PYM1: variants seen among roughly 807,000 people sequenced by gnomAD.
The protein encoded by PYM1 is PYM1 exon junction complex associated factor, also known as partner of Y14 and mago.
PYM1 carries 7 observed loss-of-function variants against 20.7 expected under a neutral mutation model. That is an observed-to-expected ratio of 0.34 (90% CI 0.19 to 0.64). The LOEUF (loss-of-function observed/expected upper bound fraction) is 0.64. PYM1 is among the 30% of genes least tolerant of loss of function. The probability of loss-of-function intolerance (pLI) is 0.74; values close to 1 mark genes in which losing one functional copy is unlikely to be tolerated. For synonymous variants in PYM1, 100 were observed against 99.2 expected (o/e 1.01, Z -0.05); for missense variants, 194 against 250.0 (o/e 0.78, Z 1.51).
chr12:55,925,084 A>G (rs1883166479), intron 1 of PYM1, among the ~76,000 whole-genome samples: 1 of 152,254 alleles, frequency 6.6e-6, no homozygotes, highest in Non-Finnish European at 1.5e-5. Flanking sequence ...CTCTAGCAAC[A>G]TGCTGTGGCC....
At chr12:55,925,333 G>C (rs1205242327) in intron 1 of PYM1, among the ~76,000 whole-genome samples, 2 of 152,210 alleles carry the variant, frequency 1.3e-5, no homozygotes, top group Non-Finnish European at 2.9e-5. Context: ...GTGGGTTTAA[G>C]ATAGTGAAAT....
chr12:55,901,705 G>GAAGAAAAGAA lies in PYM1; in HGVS notation c.*166_*167insTTCTTTTCTT, dbSNP rs1346838856. 1.0e-6 allele frequency: 1 copy of GAAGAAAAGAA among 976,506 alleles called. No homozygotes were observed. The allele number at this position is 976,506 out of a possible 1,614,324, so 60.5% of individuals were successfully genotyped here. A position where few individuals can be genotyped will look rare whatever the true frequency, so the allele number is the denominator to read the frequency against. The stretch of plus-strand genomic sequence containing the variant: ...AAAAGTAGAAGTTGGGAAGAAAAGG[G>GAAGAAAAGAA]AAGGATTGAGGGAGACGCTAGGCTC... On this transcript the variant is annotated 3_prime_UTR_variant, in exon 3 of 3. Coordinates refer to ENST00000408946, the MANE Select transcript of PYM1 (RefSeq NM_032345.3).
chr12:55,924,119 T>C (rs1883149073), intron 1 of PYM1, among the ~76,000 whole-genome samples: 1 of 150,804 alleles, frequency 6.6e-6, no homozygotes, highest in Non-Finnish European at 1.5e-5. Context: ...TTACCTTGGG[T>C]TGGCTAGAAT....
intron 1 of PYM1, chr12:55,914,161 G>A (rs1592638966): frequency 6.6e-6 from 4 of 606,664 alleles, no homozygotes; most frequent in Non-Finnish European, 1.2e-5. Flanking sequence ...TATAGCTGAA[G>A]GTTTAGGAGG....
intron 1 of PYM1, among the ~76,000 whole-genome samples, chr12:55,911,089 T>C (rs916067188): frequency 6.6e-5 from 10 of 152,138 alleles, no homozygotes; most frequent in Admixed American, 2.6e-4. Flanking sequence ...GATCTAGCTA[T>C]GTTAATACAG....
intron 1 of PYM1, among the ~76,000 whole-genome samples, chr12:55,906,183 A>T (rs1318898497): frequency 6.7e-6 from 1 of 150,266 alleles, no homozygotes; most frequent in Non-Finnish European, 1.5e-5. Flanking sequence ...ATACTGCTCC[A>T]TGAGAAGAAA....
intron 1 of PYM1, among the ~76,000 whole-genome samples, chr12:55,918,608 A>C (rs1226239857): frequency 6.6e-6 from 1 of 152,040 alleles, no homozygotes; most frequent in Admixed American, 6.6e-5. Context: ...GGTGGCTTAC[A>C]CCTGTAATCC....
At chr12:55,917,770 T>C (rs1883032611) in intron 1 of PYM1, among the ~76,000 whole-genome samples, 2 of 151,980 alleles carry the variant, frequency 1.3e-5, no homozygotes, top group South Asian at 4.2e-4. Flanking sequence ...GAGACCAGCC[T>C]GGCCAACACG....
chr12:55,927,083 C>T (rs1465070361), intron 1 of PYM1: 5 of 1,523,920 alleles, frequency 3.3e-6, no homozygotes, highest in Non-Finnish European at 4.4e-6. Flanking sequence ...CACCGCCGGT[C>T]TCGTCAGTAA....
At chr12:55,927,318 C>T in intron 1 of PYM1, 1 of 791,058 alleles carries the variant, frequency 1.3e-6, no homozygotes, top group South Asian at 1.4e-5. Flanking sequence ...CCACCGATAC[C>T]ATTACTGAGC....
At chr12:55,927,557 G>A (rs1276502483) in intron 1 of PYM1, 168 bp downstream of exon 1, 6 of 861,194 alleles carry the variant, frequency 7.0e-6, no homozygotes, top group South Asian at 4.9e-5. Flanking sequence ...CAAACTCCAG[G>A]AACGCACTGG....
intron 2 of PYM1, 142 bp from the exon 3 acceptor site, chr12:55,902,497 A>G: frequency 8.0e-7 from 1 of 1,255,106 alleles, no homozygotes; most frequent in Non-Finnish European, 1.1e-6. Flanking sequence ...TTGTTTTTTG[A>G]GATAGAGTCT....
intron 1 of PYM1, among the ~76,000 whole-genome samples, chr12:55,918,423 C>T (rs1883045420): frequency 1.3e-5 from 2 of 150,522 alleles, no homozygotes; most frequent in Non-Finnish European, 3.0e-5. Context: ...TTTTCTAAAT[C>T]TAAAATAAAA....
intron 1 of PYM1, chr12:55,926,940 G>A: frequency 1.1e-6 from 1 of 915,036 alleles, no homozygotes; most frequent in Non-Finnish European, 1.6e-6. Context: ...CCGTAGGAGA[G>A]AATGAATGGG....
intron 1 of PYM1, among the ~76,000 whole-genome samples, chr12:55,904,772 G>C (rs1882762915): frequency 6.6e-6 from 1 of 151,602 alleles, no homozygotes; most frequent in Non-Finnish European, 1.5e-5. Flanking sequence ...AGCTACTGGG[G>C]AGGCCGAGGC....
chr12:55,921,005 C>T (rs1883089148), intron 1 of PYM1, among the ~76,000 whole-genome samples: 1 of 152,162 alleles, frequency 6.6e-6, no homozygotes, highest in Non-Finnish European at 1.5e-5. Flanking sequence ...AATTACATAA[C>T]TAAATTTGCA....
At chr12:55,902,412 T>C (rs1565713344) in intron 2 of PYM1, 57 bp from the exon 3 acceptor site, 5 of 1,541,106 alleles carry the variant, frequency 3.2e-6, no homozygotes, top group Non-Finnish European at 3.5e-6. Flanking sequence ...TTTGATCCCT[T>C]TTCTTAAACT....
At chr12:55,914,418 CAG>C (rs1399674492) in intron 1 of PYM1, 5 of 697,742 alleles carry the variant, frequency 7.2e-6, no homozygotes, top group African/African-American at 7.0e-5. Flanking sequence ...TAATATCTTG[CAG>C]AGAGTCAAAA....
At chr12:55,902,495 T>C (rs1326534493) in intron 2 of PYM1, 140 bp from the exon 3 acceptor site, 3 of 1,262,512 alleles carry the variant, frequency 2.4e-6, no homozygotes, top group African/African-American at 3.0e-5. Flanking sequence ...GTTTGTTTTT[T>C]GAGATAGAGT....
Sources: gnomAD v4.1 joint callset for allele counts (sites outside exome capture counted in the v4.1 genomes callset) on GRCh38, gnomAD v4.1.1 for gene constraint, MANE v1.5 for transcripts, NCBI Gene and HGNC (gene_info 2026-07-23, HGNC 2026-07-21) for gene names.